F13A1: variants seen among roughly 807,000 people sequenced by gnomAD.
F13A1 encodes FSF, A subunit.
In F13A1, 47 loss-of-function variants were observed where a neutral mutation model predicts 80.1. The ratio of observed to expected loss-of-function variants is 0.59; its 90% CI spans 0.46 to 0.75. The LOEUF is 0.75. Among genes scored for constraint, F13A1 ranks in the 30% least tolerant of loss-of-function variants. The probability of loss-of-function intolerance (pLI) is 0.00; values close to 1 mark genes in which losing one functional copy is unlikely to be tolerated. For synonymous variants in F13A1, 349 were observed against 344.9 expected (o/e 1.01, Z -0.13); for missense variants, 817 against 930.4 (o/e 0.88, Z 1.59).
At position 6,314,201 on chromosome 6, in the gene F13A1, C is replaced by T. The variant is rs370022328; in HGVS notation, c.130+4334G>A. ...TTCACCATGTTGGCCAGGCTGGTCT[C>T]GAACTCCTGATCTGGTGATCTGCCC... On this transcript the variant is annotated intron_variant, in intron 2 of 14. Transcript: ENST00000264870. Among the ~76,000 whole-genome samples, 19 of 152,116 alleles carry T rather than the reference C, an allele frequency of 1.2e-4. No individual in the cohort carries two copies. In the East Asian group the frequency reaches 1.5e-3, roughly 12 times the overall value.
intron 3 of F13A1, among the ~76,000 whole-genome samples, chr6:6,277,522 C>G (rs1036635149): frequency 2.0e-5 from 3 of 152,196 alleles, no homozygotes; most frequent in African/African-American, 4.8e-5. Flanking sequence ...TAAACAAGCC[C>G]TGGTCTCAAG....
chr6:6,159,571 C>T (rs144348913), intron 13 of F13A1, among the ~76,000 whole-genome samples: 248 of 152,182 alleles, frequency 1.6e-3, no homozygotes, highest in African/African-American at 5.8e-3. Context: ...TGATGGTTGG[C>T]GAGTGGGCTG....
chr6:6,247,738 C>T (rs1167442130), intron 6 of F13A1, among the ~76,000 whole-genome samples: 4 of 152,210 alleles, frequency 2.6e-5, no homozygotes, highest in Non-Finnish European at 4.4e-5. Flanking sequence ...GAAAGCTGTC[C>T]TTACCCTGTG....
chr6:6,311,590 A>C (rs1758596078), intron 2 of F13A1, among the ~76,000 whole-genome samples: 1 of 148,218 alleles, frequency 6.7e-6, no homozygotes, highest in East Asian at 1.9e-4. Flanking sequence ...AAACATACAT[A>C]TATATCATGA....
At chr6:6,276,713 T>C (rs1583106594) in intron 3 of F13A1, among the ~76,000 whole-genome samples, 2 of 152,164 alleles carry the variant, frequency 1.3e-5, no homozygotes, top group South Asian at 4.1e-4. Flanking sequence ...CTCAGTGCAT[T>C]TTCCATCTGT....
chr6:6,260,532 C>T lies in F13A1; in HGVS notation c.571+6026G>A, dbSNP rs1036522092. 2.0e-5 allele frequency among the ~76,000 whole-genome samples: 3 copies of T among 152,168 alleles called. No homozygotes were observed. The East Asian group carries it at 5.8e-4, about 29-fold the overall frequency. ...CGCTGAATCCTTTGTTATGCATTAACACACACACAAGCATAAAACTGCAGG... is the reference window on the plus strand; with the variant it reads ...CGCTGAATCCTTTGTTATGCATTAATACACACACAAGCATAAAACTGCAGG... On this transcript the variant is annotated intron_variant, in intron 4 of 14. Coordinates refer to ENST00000264870, the MANE Select transcript of F13A1 (RefSeq NM_000129.4).
At chr6:6,175,770 C>G (rs1467315389) in intron 11 of F13A1, among the ~76,000 whole-genome samples, 1 of 152,132 alleles carries the variant, frequency 6.6e-6, no homozygotes, top group Non-Finnish European at 1.5e-5. Flanking sequence ...TAATGCAGTT[C>G]GAGGTGTGTG....
chr6:6,223,520 T>A (rs1323848826), intron 7 of F13A1, among the ~76,000 whole-genome samples: 2 of 152,210 alleles, frequency 1.3e-5, no homozygotes, highest in Non-Finnish European at 2.9e-5. Flanking sequence ...CCGGCTTCTA[T>A]CTGGAACTTC....
chr6:6,228,731 C>CAAAA lies in F13A1; in HGVS notation c.799-3875_799-3872dup, dbSNP rs35068752. On this transcript the variant is annotated intron_variant, in intron 6 of 14. Transcript: ENST00000264870. ...TGGGCAACAGAGTGAGATCCTGTCT[C>CAAAA]AAAAAAAAAAAAAAAAAAAAAAGCT... 3.9e-3 allele frequency among the ~76,000 whole-genome samples: 280 copies of CAAAA among 72,602 alleles called. 10 individuals carry two copies. Among genetic ancestry groups the CAAAA allele is most frequent in the African/African-American group, 0.013 (249 of 19,788 alleles). 47.6% of individuals were successfully genotyped at this position (72,602 alleles called of 152,430 possible). A position where few individuals can be genotyped will look rare whatever the true frequency, so the allele number is the denominator to read the frequency against.
rs559851695 is a variant in F13A1 at position 6,216,291 on chromosome 6, A to G, written c.1112+5742T>C. On this transcript the variant is annotated intron_variant, in intron 8 of 14. Coordinates refer to ENST00000264870, the MANE Select transcript of F13A1 (RefSeq NM_000129.4). Reference sequence around the variant, plus strand: ...ACTTCAAACTATACTACAAGGCTACAGTAACCAAAACAGGATGGTACTGGT... The same window carrying G: ...ACTTCAAACTATACTACAAGGCTACGGTAACCAAAACAGGATGGTACTGGT... Among the ~76,000 whole-genome samples the G allele has an allele frequency of 8.1e-3, 1,228 of 152,040 alleles. 29 individuals are homozygous for G. Among genetic ancestry groups the G allele is most frequent in the African/African-American group, 0.027 (1,134 of 41,388 alleles).
At chr6:6,286,032 A>G (rs1229846929) in intron 3 of F13A1, among the ~76,000 whole-genome samples, 3 of 152,258 alleles carry the variant, frequency 2.0e-5, no homozygotes, top group Non-Finnish European at 4.4e-5. Flanking sequence ...GCCACTGCAC[A>G]CGCAGACACA....
chr6:6,291,710 G>A (rs1042193047), intron 3 of F13A1, among the ~76,000 whole-genome samples: 14 of 152,114 alleles, frequency 9.2e-5, no homozygotes, highest in Non-Finnish European at 1.5e-5. Context: ...TTTGGTCTTT[G>A]TCTCCTCCAG....
Position 6,174,723 on chromosome 6 carries a change from T to C in F13A1, c.1604A>G (p.Lys535Arg), listed in dbSNP as rs151032137. The stretch of plus-strand genomic sequence containing the variant: ...GTTGTTCCGGAAGGTGATGGAGAGC[T>C]TGAAGTCTTTTCCCAGCACAGCATT... Reference protein sequence around the residue: ...VENAVLGKDFKLSITFRNNSH... With the variant: ...VENAVLGKDFRLSITFRNNSH... The change falls in exon 12 of 15, where the codon AAG becomes AGG. Residue 535 changes from lysine to arginine, a missense_variant. Lys to Arg is a conservative substitution (Grantham distance 26). Coordinates refer to ENST00000264870, the MANE Select transcript of F13A1 (RefSeq NM_000129.4). 1 of 1,614,004 alleles carries C rather than the reference T, an allele frequency of 6.2e-7. No individual in the cohort carries two copies. Among genetic ancestry groups the C allele is most frequent in the Non-Finnish European group, 8.5e-7 (1 of 1,180,028 alleles).
rs3024376 is a variant in F13A1, at chr6:6,250,331, T to C, written c.690+480A>G. On this transcript the variant is annotated intron_variant, in intron 5 of 14. Transcript: ENST00000264870. This position sits in a 1 kb window ranked among gnomAD's most constrained non-coding sequence, Gnocchi z 4.2. ...ATCAACTTGCAGCTGATAAAATCTTTCTATGTAAAAGCTCAGTGGCCCTTC... is the reference window on the plus strand; with the variant it reads ...ATCAACTTGCAGCTGATAAAATCTTCCTATGTAAAAGCTCAGTGGCCCTTC... Among the ~76,000 whole-genome samples the C allele has an allele frequency of 4.8e-3, 723 of 152,118 alleles. 3 individuals carry two copies. The highest frequency in any genetic ancestry group is 0.016 in the African/African-American group (685 of 41,516).
At chr6:6,239,389 T>G (rs1305651478) in intron 6 of F13A1, among the ~76,000 whole-genome samples, 10 of 152,022 alleles carry the variant, frequency 6.6e-5, no homozygotes, top group Admixed American at 6.6e-4. Context: ...TTGATTGGGG[T>G]GGTGATTACC....
intron 3 of F13A1, among the ~76,000 whole-genome samples, chr6:6,294,912 A>G (rs1279050062): frequency 1.8e-5 from 2 of 111,648 alleles, no homozygotes; most frequent in Non-Finnish European, 3.5e-5. Context: ...ACCCCACAAC[A>G]GGCCCCAGAG....
chr6:6,148,259 G>A (rs557798199), intron 14 of F13A1, among the ~76,000 whole-genome samples: 87 of 152,188 alleles, frequency 5.7e-4, no homozygotes, highest in Non-Finnish European at 1.1e-3. Context: ...CGGAGGCAGT[G>A]GGGGAAGAGC....
At chr6:6,215,864 C>G (rs1215280876) in intron 8 of F13A1, among the ~76,000 whole-genome samples, 1 of 125,096 alleles carries the variant, frequency 8.0e-6, no homozygotes, top group Non-Finnish European at 1.6e-5. Context: ...ACAAAAATCA[C>G]AAACATTCTT....
At chr6:6,178,376 C>T (rs564063015) in intron 11 of F13A1, among the ~76,000 whole-genome samples, 390 of 152,160 alleles carry the variant, frequency 2.6e-3, no homozygotes, top group Non-Finnish European at 4.3e-3. Flanking sequence ...GGGATGCATT[C>T]GAGAACAATT....
Sources: gnomAD v4.1 joint callset for allele counts (sites outside exome capture counted in the v4.1 genomes callset) on GRCh38, gnomAD v4.1.1 for gene constraint, Gnocchi (gnomAD v3.1) non-coding constraint, MANE v1.5 for transcripts, NCBI Gene and HGNC (gene_info 2026-07-23, HGNC 2026-07-21) for gene names.